EXTL3: variants seen among roughly 807,000 people sequenced by gnomAD.
EXTL3 encodes exostosin-like 3.
Under a neutral mutation model 69.3 loss-of-function variants are expected in EXTL3, and 27 were observed. The ratio of observed to expected loss-of-function variants is 0.39; its 90% CI spans 0.29 to 0.54. The LOEUF (loss-of-function observed/expected upper bound fraction) is 0.54, where lower values mean the gene tolerates loss of function less well. EXTL3 is among the 20% of genes least tolerant of loss of function. The pLI, the probability that EXTL3 is intolerant of heterozygous loss-of-function variation, is 0.69. For missense variants in EXTL3, 1,003 were observed against 1,231.8 expected (o/e 0.81, Z 2.78); for synonymous variants, 511 against 499.4 (o/e 1.02, Z -0.31).
At chr8:28,654,378 T>C (rs1806972791) in intron 1 of EXTL3, among the ~76,000 whole-genome samples, 1 of 152,138 alleles carries the variant, frequency 6.6e-6, no homozygotes, top group South Asian at 2.1e-4. Flanking sequence ...TGTTTGTTTG[T>C]TTTTGTTTTG....
At chr8:28,627,202 A>T (rs9644145) in intron 1 of EXTL3, among the ~76,000 whole-genome samples, 31,902 of 150,032 alleles carry the variant, frequency 0.21, 4,015 homozygotes, top group Non-Finnish European at 0.28. Context: ...AAAAAAAATT[A>T]AAAAAAATAA....
chr8:28,737,416 G>T, intron 4 of EXTL3, 103 bp from the exon 5 acceptor site: 1 of 1,269,722 alleles, frequency 7.9e-7, no homozygotes. Context: ...AGAAGTAAAA[G>T]CCTAAGGGCC....
chr8:28,613,871 C>T (rs1463846243), intron 2 of EXTL3, among the ~76,000 whole-genome samples: 2 of 150,920 alleles, frequency 1.3e-5, no homozygotes, highest in Admixed American at 6.6e-5. Context: ...GAGACAGGGT[C>T]TCACTTGGTG....
Position 28,716,921 on chromosome 8 carries a change from C to T in EXTL3, c.862C>T (p.Leu288Phe), listed in dbSNP as rs1801163477. 2.5e-6 allele frequency: 4 copies of T among 1,614,204 alleles called. No homozygotes were observed. The highest frequency in any genetic ancestry group is 1.1e-5 in the South Asian group (1 of 91,082). ...ACGTAAGTCAGATACACAGAACCTT[C>T]TCTATAACGTCAGTACTGGCCGTGC... ...LSRKSDTQNL[L>F]YNVSTGRAMV... The change falls in exon 3 of 7, where the codon CTC becomes TTC. Residue 288 changes from leucine to phenylalanine, a missense_variant. By Grantham distance (22) the Leu-to-Phe change is conservative (BLOSUM62 0). Transcript: ENST00000220562. The surrounding 1 kb of genome is among the most constrained non-coding windows in gnomAD (Gnocchi z 7.1).
At chr8:28,719,494 TC>T (rs1262575171) in intron 3 of EXTL3, among the ~76,000 whole-genome samples, 1 of 152,226 alleles carries the variant, frequency 6.6e-6, no homozygotes, top group Non-Finnish European at 1.5e-5. Context: ...ACTGCCTACT[TC>T]CTTCTGTGCA....
intron 1 of EXTL3, among the ~76,000 whole-genome samples, chr8:28,627,316 TC>T (rs1806507982): frequency 6.6e-6 from 1 of 151,868 alleles, no homozygotes. Flanking sequence ...GTGGCAAAAC[TC>T]GTCTCTACAA....
intron 1 of EXTL3, among the ~76,000 whole-genome samples, chr8:28,683,786 G>A (rs1807530629): frequency 6.6e-6 from 1 of 151,994 alleles, no homozygotes; most frequent in African/African-American, 2.4e-5. Flanking sequence ...CTCCAGCCTG[G>A]GCCACAGTGT....
chr8:28,694,993 G>A (rs1450531077), intron 1 of EXTL3, among the ~76,000 whole-genome samples: 1 of 152,128 alleles, frequency 6.6e-6, no homozygotes, highest in Non-Finnish European at 1.5e-5. Flanking sequence ...TTCAGCCTGG[G>A]TGGCAGAGTA....
chr8:28,612,218 C>CT (rs1806281163), intron 2 of EXTL3, among the ~76,000 whole-genome samples: 1 of 152,176 alleles, frequency 6.6e-6, no homozygotes, highest in Non-Finnish European at 1.5e-5. Flanking sequence ...CTTTGGAAGG[C>CT]TGAGGCAGGC....
rs1404120770 is a variant in EXTL3, at chr8:28,716,188, C to A, written c.129C>A (p.Phe43Leu). The A allele has an allele frequency of 6.2e-7, 1 of 1,614,080 alleles. No homozygotes were observed. Among genetic ancestry groups the A allele is most frequent in the Non-Finnish European group, 8.5e-7 (1 of 1,180,060 alleles). The part of the protein sequence containing the change: ...SFTLFVILVF[F>L]PLIAHYYLTT... ...CGCTCTTTGTCATCCTGGTCTTCTT[C>A]CCGCTCATCGCCCACTATTACCTCA... The change falls in exon 3 of 7, where the codon TTC becomes TTA. Residue 43 changes from phenylalanine to leucine, a missense_variant. Coordinates refer to ENST00000220562, the MANE Select transcript of EXTL3 (RefSeq NM_001440.4). The surrounding 1 kb of genome is among the most constrained non-coding windows in gnomAD (Gnocchi z 7.1).
intron 1 of EXTL3, among the ~76,000 whole-genome samples, chr8:28,669,007 G>A (rs1807243666): frequency 6.6e-6 from 1 of 151,792 alleles, no homozygotes; most frequent in African/African-American, 2.4e-5. Context: ...GGGACTACAG[G>A]TGTGTGCCAC....
intron 2 of EXTL3, among the ~76,000 whole-genome samples, chr8:28,614,952 C>G (rs1806313376): frequency 6.6e-6 from 1 of 152,036 alleles, no homozygotes; most frequent in Non-Finnish European, 1.5e-5. Flanking sequence ...CTCCTCCCAC[C>G]AGGTATAAAG....
intron 1 of EXTL3, among the ~76,000 whole-genome samples, chr8:28,705,445 C>T (rs1343404324): frequency 5.3e-5 from 8 of 151,624 alleles, no homozygotes; most frequent in Non-Finnish European, 7.4e-5. Context: ...AGGCTGGGCA[C>T]GGTGGCTCAC....
intron 1 of EXTL3, among the ~76,000 whole-genome samples, chr8:28,645,703 CT>C (rs1156974341): frequency 1.3e-5 from 2 of 151,368 alleles, no homozygotes; most frequent in Non-Finnish European, 2.9e-5. Flanking sequence ...CTGTTTTTTT[CT>C]TTTTTTAAGA....
At chr8:28,686,199 A>G (rs1178901752) in intron 1 of EXTL3, among the ~76,000 whole-genome samples, 1 of 152,068 alleles carries the variant, frequency 6.6e-6, no homozygotes, top group Non-Finnish European at 1.5e-5. Flanking sequence ...TAGTTTTAAA[A>G]AATTGAACCA....
At chr8:28,664,020 G>A (rs753981189) in intron 1 of EXTL3, among the ~76,000 whole-genome samples, 2 of 152,200 alleles carry the variant, frequency 1.3e-5, no homozygotes, top group Admixed American at 6.5e-5. Flanking sequence ...GAAAATACAC[G>A]TGGGCCCTGA....
At position 28,754,217 on chromosome 8, in the gene EXTL3, A is replaced by G. The variant is rs1008422182; in HGVS notation, c.*3351A>G. On this transcript the variant is annotated 3_prime_UTR_variant, in exon 7 of 7. Transcript: ENST00000220562. Reference sequence around the variant, plus strand: ...TGACGCTCCCTGACTGCAGAGCCCCATCCTGTTGGTGCCCACAGGCCTAGA... The same window carrying G: ...TGACGCTCCCTGACTGCAGAGCCCCGTCCTGTTGGTGCCCACAGGCCTAGA... The G allele has an allele frequency of 2.0e-5, 3 of 152,338 alleles. No homozygotes were observed. The highest frequency in any genetic ancestry group is 2.0e-4 in the Admixed American group (3 of 15,270). 9.4% of individuals were successfully genotyped at this position (152,338 alleles called of 1,614,324 possible). A position where few individuals can be genotyped will look rare whatever the true frequency, so the allele number is the denominator to read the frequency against.
rs2130742146 is a variant in EXTL3, at chr8:28,718,006, A to G, written c.1947A>G (p.Glu649=). The G allele has an allele frequency of 6.2e-6, 10 of 1,613,758 alleles. No individual in the cohort carries two copies. Among genetic ancestry groups the G allele is most frequent in the Non-Finnish European group, 8.5e-6 (10 of 1,179,946 alleles). ...IGGGAGGSGK[E]FQAALGGNVP... is the part of the protein sequence containing the mutation. The stretch of plus-strand genomic sequence containing the variant: ...GTGGAGCTGGGGGTTCTGGCAAGGA[A>G]TTTCAGGCAGCGCTTGGAGGCAATG... Residue 649 remains glutamate (E), a synonymous_variant, in exon 3 of 7, where the codon GAA becomes GAG. Transcript: ENST00000220562.
At chr8:28,646,450 T>G (rs1339844587) in intron 1 of EXTL3, among the ~76,000 whole-genome samples, 3 of 152,190 alleles carry the variant, frequency 2.0e-5, no homozygotes, top group Non-Finnish European at 4.4e-5. Context: ...CTTGGCATAT[T>G]TACTTTTCTG....
Sources: allele counts gnomAD v4.1 joint callset (sites outside exome capture counted in the v4.1 genomes callset), GRCh38; gene constraint gnomAD v4.1.1; non-coding constraint Gnocchi (gnomAD v3.1); transcripts MANE v1.5; gene names NCBI Gene and HGNC (gene_info 2026-07-23, HGNC 2026-07-21).